Variants in DDX10 observed in about 807,000 individuals in gnomAD.
The protein encoded by DDX10 is probable ATP-dependent RNA helicase DDX10.
A neutral mutation model predicts 104.3 loss-of-function variants in DDX10; 74 were observed. That is an observed-to-expected ratio of 0.71 (90% CI 0.59 to 0.86). DDX10 has a LOEUF of 0.86. Among genes scored for constraint, DDX10 ranks in the 40% least tolerant of loss-of-function variants. The pLI is 0.00. For synonymous variants in DDX10, 351 were observed against 353.4 expected (o/e 0.99, Z 0.08); for missense variants, 952 against 1,040.0 (o/e 0.92, Z 1.16).
chr11:108,809,506 A>G (rs1862148389), intron 13 of DDX10, among the ~76,000 whole-genome samples: 1 of 152,212 alleles, frequency 6.6e-6, no homozygotes, highest in Non-Finnish European at 1.5e-5. Flanking sequence ...TAAGAAAGAG[A>G]AGGGAAGGAA....
chr11:108,728,772 C>T (rs184064501), intron 13 of DDX10, among the ~76,000 whole-genome samples: 3 of 152,232 alleles, frequency 2.0e-5, no homozygotes, highest in Admixed American at 2.0e-4. Context: ...CTCACCTTGG[C>T]CTACCAAAGT....
At chr11:108,808,342 AT>A (rs894764069) in intron 13 of DDX10, among the ~76,000 whole-genome samples, 5 of 136,412 alleles carry the variant, frequency 3.7e-5, no homozygotes, top group Non-Finnish European at 6.3e-5. Flanking sequence ...TTTAGGATTG[AT>A]TTTTTTTGGG....
intron 9 of DDX10, among the ~76,000 whole-genome samples, chr11:108,698,100 C>T (rs2094262439): frequency 6.6e-6 from 1 of 152,166 alleles, no homozygotes; most frequent in Non-Finnish European, 1.5e-5. Context: ...CACTCACTGG[C>T]AGCAGCTTAG....
chr11:108,801,767 T>C (rs1486263379), intron 13 of DDX10, among the ~76,000 whole-genome samples: 1 of 152,084 alleles, frequency 6.6e-6, no homozygotes, highest in Non-Finnish European at 1.5e-5. Flanking sequence ...AAATCTATGC[T>C]CTTAACCAAT....
intron 17 of DDX10, among the ~76,000 whole-genome samples, chr11:108,928,483 C>T (rs1006032768): frequency 6.6e-6 from 1 of 152,132 alleles, no homozygotes; most frequent in South Asian, 2.1e-4. Flanking sequence ...TTGATCTACA[C>T]GCTGTATTAT....
At chr11:108,819,805 G>A (rs886382995) in intron 13 of DDX10, among the ~76,000 whole-genome samples, 4 of 152,046 alleles carry the variant, frequency 2.6e-5, no homozygotes, top group Non-Finnish European at 4.4e-5. Context: ...CACCATGTTG[G>A]TCAGGCTGGT....
Position 108,852,158 on chromosome 11 carries a change from A to G in DDX10, c.2253A>G (p.Lys751=). ...RKKIKAKHRE[K]RLKEREARRE... ...CTCCTCTTCCTTGTCTCCAGGAGAA[A>G]AGACTGAAAGAAAGGGAAGCCAGAA... The change falls in exon 16 of 18, where the codon AAA becomes AAG. Residue 751 remains lysine, a synonymous_variant. Coordinates refer to ENST00000322536, the MANE Select transcript of DDX10 (RefSeq NM_004398.4). 2 of 1,610,560 alleles carry G rather than the reference A, an allele frequency of 1.2e-6. No homozygotes were observed. Among genetic ancestry groups the G allele is most frequent in the Non-Finnish European group, 1.7e-6 (2 of 1,177,828 alleles).
chr11:108,917,293 G>A (rs577904020), intron 16 of DDX10, among the ~76,000 whole-genome samples: 1 of 152,100 alleles, frequency 6.6e-6, no homozygotes, highest in South Asian at 2.1e-4. Flanking sequence ...AAATGTTACT[G>A]TACTCTGGCT....
chr11:108,860,019 C>T (rs1862919892), intron 16 of DDX10, among the ~76,000 whole-genome samples: 2 of 152,040 alleles, frequency 1.3e-5, no homozygotes, highest in Admixed American at 1.3e-4. Flanking sequence ...TTCTTTCCTC[C>T]TTTCTTCTTC....
chr11:108,806,368 C>A (rs1240759511), intron 13 of DDX10, among the ~76,000 whole-genome samples: 1 of 152,142 alleles, frequency 6.6e-6, no homozygotes, highest in Non-Finnish European at 1.5e-5. Flanking sequence ...GTGATAGAGA[C>A]ATGAGAGTGT....
chr11:108,834,208 A>G lies in DDX10; in HGVS notation c.1966-4238A>G, dbSNP rs367894659. Among the ~76,000 whole-genome samples, 6 of 150,750 alleles carry G rather than the reference A, an allele frequency of 4.0e-5. No individual in the cohort carries two copies. In the East Asian group the frequency reaches 7.8e-4, roughly 20 times the overall value. On this transcript the variant is annotated intron_variant, in intron 13 of 17. Transcript: ENST00000322536. ...GGTCGTGAACTCCTGGGCCCAAGAG[A>G]TTCTCCTGCCTTGGCCTCCCCAAAT...
intron 2 of DDX10, among the ~76,000 whole-genome samples, chr11:108,673,829 G>C (rs764866695): frequency 5.3e-5 from 8 of 152,184 alleles, no homozygotes; most frequent in Non-Finnish European, 1.0e-4. Context: ...TGCTAGGGCT[G>C]AGATGACAAA....
At chr11:108,780,839 A>G (rs1449994747) in intron 13 of DDX10, among the ~76,000 whole-genome samples, 1 of 152,220 alleles carries the variant, frequency 6.6e-6, no homozygotes, top group Non-Finnish European at 1.5e-5. Context: ...ATGAATTTTA[A>G]ATGCAGCTTA....
chr11:108,844,699 C>T (rs1862689580), intron 15 of DDX10, among the ~76,000 whole-genome samples: 1 of 152,130 alleles, frequency 6.6e-6, no homozygotes, highest in South Asian at 2.1e-4. Flanking sequence ...GATTACTAGT[C>T]ACTGACTGGG....
chr11:108,841,509 A>C, intron 15 of DDX10, 33 bp downstream of exon 15: 9 of 1,597,726 alleles, frequency 5.6e-6, no homozygotes, highest in Non-Finnish European at 7.7e-6. Flanking sequence ...ATACTGAGTA[A>C]AATTTAGTGT....
intron 16 of DDX10, among the ~76,000 whole-genome samples, chr11:108,876,963 T>C (rs138954322): frequency 3.2e-3 from 485 of 152,290 alleles, no homozygotes; most frequent in African/African-American, 0.011. Context: ...CTTGGTTTGA[T>C]AGTGGTTAGT....
chr11:108,805,395 G>A (rs1862084423), intron 13 of DDX10, among the ~76,000 whole-genome samples: 1 of 152,216 alleles, frequency 6.6e-6, no homozygotes, highest in Non-Finnish European at 1.5e-5. Flanking sequence ...TTTGTTTAAA[G>A]TAGCAAGTGG....
At chr11:108,878,006 C>G (rs979433026) in intron 16 of DDX10, among the ~76,000 whole-genome samples, 2 of 152,072 alleles carry the variant, frequency 1.3e-5, no homozygotes, top group Non-Finnish European at 2.9e-5. Flanking sequence ...TTTTTCCCTC[C>G]CTCCTTCCTT....
chr11:108,900,694 A>T (rs1863506268), intron 16 of DDX10, among the ~76,000 whole-genome samples: 1 of 152,150 alleles, frequency 6.6e-6, no homozygotes, highest in Non-Finnish European at 1.5e-5. Flanking sequence ...TGCCCTGTAT[A>T]TTCTTCCCAT....
Sources: allele counts gnomAD v4.1 joint callset (sites outside exome capture counted in the v4.1 genomes callset), GRCh38; gene constraint gnomAD v4.1.1; transcripts MANE v1.5; gene names NCBI Gene and HGNC (gene_info 2026-07-23, HGNC 2026-07-21).